Variants in STYX observed in about 807,000 individuals in gnomAD.
STYX encodes serine/threonine/tyrosine interacting protein.
A neutral mutation model predicts 42.7 loss-of-function variants in STYX; 20 were observed. That is an observed-to-expected ratio of 0.47 (90% CI 0.33 to 0.68). The LOEUF is 0.68. STYX is among the 30% of genes least tolerant of loss of function. The pLI is 0.02. For missense variants in STYX, 226 were observed against 268.5 expected (o/e 0.84, Z 1.11); for synonymous variants, 78 against 81.9 (o/e 0.95, Z 0.26).
intron 3 of STYX, among the ~76,000 whole-genome samples, chr14:52,749,577 T>C (rs901176997): frequency 6.6e-6 from 1 of 152,230 alleles, no homozygotes; most frequent in Non-Finnish European, 1.5e-5. Flanking sequence ...TTAAGTGAAT[T>C]GTATTATACA....
intron 5 of STYX, 46 bp downstream of exon 5, chr14:52,756,657 T>C: frequency 1.1e-6 from 1 of 876,818 alleles, no homozygotes; most frequent in Non-Finnish European, 1.7e-6. Context: ...TTATTTATGA[T>C]TTGACTTCTT....
At position 52,744,584 on chromosome 14, in the gene STYX, A is replaced by G. The variant is rs140465937; in HGVS notation, c.58-268A>G. On this transcript the variant is annotated intron_variant, in intron 1 of 10. Coordinates refer to ENST00000354586, the MANE Select transcript of STYX (RefSeq NM_145251.4). ...GAGAATCTTCTGGAATATCTATTCT[A>G]TTCTTAAGTTTAATGAGTAATTTCA... 8.0e-4 allele frequency among the ~76,000 whole-genome samples: 122 copies of G among 152,316 alleles called. 1 individual carries two copies. Among genetic ancestry groups the G allele is most frequent in the African/African-American group, 2.7e-3 (113 of 41,568 alleles).
intron 4 of STYX, among the ~76,000 whole-genome samples, chr14:52,752,471 A>C (rs1390087114): frequency 6.6e-6 from 1 of 151,000 alleles, no homozygotes; most frequent in Non-Finnish European, 1.5e-5. Context: ...CTCAAAAATA[A>C]AAAAAAAAAT....
At chr14:52,743,088 G>A (rs1178604950) in intron 1 of STYX, among the ~76,000 whole-genome samples, 2 of 151,626 alleles carry the variant, frequency 1.3e-5, no homozygotes, top group East Asian at 1.9e-4. Context: ...GAGCCACCGC[G>A]CCCGGCTTTT....
Position 52,730,189 on chromosome 14 carries a change from T to C in STYX, c.-286T>C. ...ACGGTTGTCGGGCTGGTTCCTGTGC[T>C]GGATCCTGGGCGGCCTGAGGGGTAC... On this transcript the variant is annotated 5_prime_UTR_variant, in exon 1 of 11. Coordinates refer to ENST00000354586, the MANE Select transcript of STYX (RefSeq NM_145251.4). 2 of 490,978 alleles carry C rather than the reference T, an allele frequency of 4.1e-6. No homozygotes were observed. The highest frequency in any genetic ancestry group is 7.3e-6 in the Non-Finnish European group (2 of 275,046). The allele number at this position is 490,978 out of a possible 1,614,324, so 30.4% of individuals were successfully genotyped here.
chr14:52,747,885 G>A (rs1254977), intron 3 of STYX, among the ~76,000 whole-genome samples: 74,441 of 151,966 alleles, frequency 0.49, 18,335 homozygotes, highest in Middle Eastern at 0.57. Context: ...CCAGCTACTC[G>A]CGAGGCTGAG....
intron 3 of STYX, among the ~76,000 whole-genome samples, chr14:52,747,709 C>T (rs892487498): frequency 6.6e-6 from 1 of 152,268 alleles, no homozygotes; most frequent in Admixed American, 6.5e-5. Flanking sequence ...GTATTTATCA[C>T]ATTAAATTAA....
intron 1 of STYX, among the ~76,000 whole-genome samples, chr14:52,739,228 C>T (rs932360781): frequency 6.6e-6 from 1 of 151,620 alleles, no homozygotes; most frequent in Non-Finnish European, 1.5e-5. Flanking sequence ...AGACTGTTAT[C>T]GAATCCTGAT....
chr14:52,746,647 G>C (rs983613322), intron 3 of STYX, among the ~76,000 whole-genome samples, 168 bp downstream of exon 3: 8 of 152,096 alleles, frequency 5.3e-5, no homozygotes, highest in African/African-American at 1.4e-4. Flanking sequence ...TACTAGACCA[G>C]TAGTTCTCAA....
chr14:52,749,284 C>T (rs1376029390), intron 3 of STYX, among the ~76,000 whole-genome samples: 4 of 152,170 alleles, frequency 2.6e-5, no homozygotes, highest in Non-Finnish European at 5.9e-5. Context: ...AGAGACTCCA[C>T]CATCACATCT....
intron 1 of STYX, among the ~76,000 whole-genome samples, chr14:52,740,149 C>A (rs550865021): frequency 6.6e-6 from 1 of 151,920 alleles, no homozygotes. Flanking sequence ...TGGTGGTGGG[C>A]GCTTGTAATC....
At chr14:52,746,949 C>A (rs1003472001) in intron 3 of STYX, among the ~76,000 whole-genome samples, 2 of 152,176 alleles carry the variant, frequency 1.3e-5, no homozygotes, top group African/African-American at 4.8e-5. Context: ...TTGGTATCCC[C>A]GCTCTGAAAT....
At chr14:52,769,506 A>G (rs1882433834) in intron 10 of STYX, among the ~76,000 whole-genome samples, 1 of 152,048 alleles carries the variant, frequency 6.6e-6, no homozygotes, top group Admixed American at 6.6e-5. Flanking sequence ...AGAACAGCTT[A>G]TATACTTAGC....
chr14:52,771,771 T>C lies in STYX; in HGVS notation c.*665T>C, dbSNP rs1882520871. On this transcript the variant is annotated 3_prime_UTR_variant, in exon 11 of 11. Transcript: ENST00000354586. ...GATCTAATTATTGCTTCCTTTCTTA[T>C]TACTTTCCTAATTTTTCTATATTTT... is the stretch of plus-strand genomic sequence containing the variant. 1 of 152,522 alleles carries C rather than the reference T, an allele frequency of 6.6e-6. No homozygotes were observed. Among genetic ancestry groups the C allele is most frequent in the Admixed American group, 6.5e-5 (1 of 15,280 alleles). The allele number at this position is 152,522 out of a possible 1,614,324, so 9.4% of individuals were successfully genotyped here.
Position 52,771,411 on chromosome 14 carries a change from T to A in STYX, c.*305T>A, listed in dbSNP as rs1426905830. ...AGAGGTATTATTGCAATAATGCACT[T>A]TTCATACTTGAAATTTATTTGTATG... On this transcript the variant is annotated 3_prime_UTR_variant, in exon 11 of 11. Coordinates refer to ENST00000354586, the MANE Select transcript of STYX (RefSeq NM_145251.4). The A allele has an allele frequency of 4.5e-6, 1 of 224,698 alleles. No homozygotes were observed. Among genetic ancestry groups the A allele is most frequent in the African/African-American group, 2.3e-5 (1 of 44,176 alleles). The allele number at this position is 224,698 out of a possible 1,614,324, so 13.9% of individuals were successfully genotyped here.
Position 52,748,811 on chromosome 14 carries a change from G to A in STYX, c.145-1872G>A, listed in dbSNP as rs933456058. ...AACTCCATAGGCATCAAGTGTAAAC[G>A]AAGGACTTAATGTTGAATTTGTTGT... is the stretch of plus-strand genomic sequence containing the variant. On this transcript the variant is annotated intron_variant, in intron 3 of 10. Coordinates refer to ENST00000354586, the MANE Select transcript of STYX (RefSeq NM_145251.4). Among the ~76,000 whole-genome samples the A allele has an allele frequency of 3.3e-5, 5 of 152,284 alleles. No individual in the cohort carries two copies. In the Middle Eastern group the frequency reaches 0.01, roughly 311 times the overall value.
intron 1 of STYX, among the ~76,000 whole-genome samples, chr14:52,735,983 G>A (rs1880931568): frequency 6.6e-6 from 1 of 152,150 alleles, no homozygotes; most frequent in South Asian, 2.1e-4. Context: ...ATTATTTCCA[G>A]GGTCCTGTAT....
chr14:52,741,416 C>A (rs898517888), intron 1 of STYX, among the ~76,000 whole-genome samples: 1 of 151,788 alleles, frequency 6.6e-6, no homozygotes. Context: ...GTAATGATAT[C>A]TTTTGATTTT....
In STYX at chr14:52,741,482, G is replaced by T. The variant is rs147000871; in HGVS notation, c.58-3370G>T. On this transcript the variant is annotated intron_variant, in intron 1 of 10. Coordinates refer to ENST00000354586, the MANE Select transcript of STYX (RefSeq NM_145251.4). ...AGATGGAGTCTCACTCTGTCACCCA[G>T]GCTGGAGTGCAGTGGTGCAATCTCG... is the stretch of plus-strand genomic sequence containing the variant. 6.9e-4 allele frequency among the ~76,000 whole-genome samples: 105 copies of T among 152,204 alleles called. No homozygotes were observed. In the Middle Eastern group the frequency reaches 0.02, roughly 30 times the overall value.
Sources: gnomAD v4.1 joint callset for allele counts (sites outside exome capture counted in the v4.1 genomes callset) on GRCh38, gnomAD v4.1.1 for gene constraint, MANE v1.5 for transcripts, NCBI Gene and HGNC (gene_info 2026-07-23, HGNC 2026-07-21) for gene names.